Variants in NLGN4X observed in about 807,000 individuals in gnomAD.
NLGN4X encodes neuroligin-4, X-linked.
In NLGN4X, 3 loss-of-function variants were observed where a neutral mutation model predicts 40.3. The observed-to-expected ratio is 0.07, with a 90% CI of 0.03 to 0.19. The LOEUF (loss-of-function observed/expected upper bound fraction) is 0.19, where lower values mean the gene tolerates loss of function less well. Ranked by LOEUF, NLGN4X falls within the 10% of genes least tolerant of loss-of-function variation. The probability of loss-of-function intolerance (pLI) is 1.00; values close to 1 mark genes in which losing one functional copy is unlikely to be tolerated. For missense variants in NLGN4X, 382 were observed against 708.3 expected (o/e 0.54, Z 5.23); for synonymous variants, 270 against 306.8 (o/e 0.88, Z 1.25).
intron 1 of NLGN4X, among the ~76,000 whole-genome samples, chrX:6,173,670 T>G (rs1337614305): frequency 1.8e-5 from 2 of 112,445 alleles, no homozygotes; most frequent in African/African-American, 3.2e-5. Flanking sequence ...TAGCTTTAGA[T>G]CAGGCCCTTT....
At chrX:5,941,841 C>T (rs1413065638) in intron 3 of NLGN4X, among the ~76,000 whole-genome samples, 1 of 112,349 alleles carries the variant, frequency 8.9e-6, no homozygotes, top group African/African-American at 3.2e-5. Context: ...ATTAAAATAA[C>T]AACTGCCATA....
At position 6,016,306 on chromosome X, in the gene NLGN4X, C is replaced by T. The variant is rs182738460; in HGVS notation, c.625+12974G>A. ...GTACTGCCCTGGTTTAAGCTGGTAT[C>T]ATTTCTTGAGTAGATTACCTCTTGC... is the stretch of plus-strand genomic sequence containing the variant. On this transcript the variant is annotated intron_variant, in intron 3 of 5. Coordinates refer to ENST00000381095, the MANE Select transcript of NLGN4X (RefSeq NM_181332.3). Among the ~76,000 whole-genome samples the T allele has an allele frequency of 2.4e-4, 27 of 111,926 alleles. 1 individual carries two copies. The highest frequency in any genetic ancestry group is 4.5e-4 in the Non-Finnish European group (24 of 53,214).
rs1369301721 is a variant in NLGN4X, at chrX:6,179,098, A to AG, written c.-305-27328_-305-27327insC. Among the ~76,000 whole-genome samples the AG allele has an allele frequency of 5.5e-3, 110 of 20,150 alleles. 2 individuals are homozygous for AG. The highest frequency in any genetic ancestry group is 0.038 in the African/African-American group (103 of 2,717). 17.5% of individuals were successfully genotyped at this position (20,150 alleles called of 115,157 possible). A position where few individuals can be genotyped will look rare whatever the true frequency, so the allele number is the denominator to read the frequency against. On this transcript the variant is annotated intron_variant, in intron 1 of 5. Coordinates refer to ENST00000381095, the MANE Select transcript of NLGN4X (RefSeq NM_181332.3). Reference sequence around the variant, plus strand: ...TGAGCGACAAAGCAAGACCCTGAAAAAAAGGAAGGAAGGAAGGAAGGAAGG... The same window carrying AG: ...TGAGCGACAAAGCAAGACCCTGAAAAGAAAGGAAGGAAGGAAGGAAGGAAGG...
intron 3 of NLGN4X, among the ~76,000 whole-genome samples, chrX:5,922,244 G>T (rs918474464): frequency 2.7e-5 from 3 of 110,883 alleles, no homozygotes; most frequent in South Asian, 3.9e-4. Flanking sequence ...TCGTGGGGAG[G>T]GGGGGAAACA....
chrX:6,059,541 C>T (rs16997690), intron 2 of NLGN4X, among the ~76,000 whole-genome samples: 22,773 of 111,153 alleles, frequency 0.2, 1,792 homozygotes, highest in Admixed American at 0.26. Context: ...GGTTTCTCAG[C>T]AAGACGTTGG....
chrX:5,941,965 G>A (rs962434216), intron 3 of NLGN4X, among the ~76,000 whole-genome samples: 1 of 111,929 alleles, frequency 8.9e-6, no homozygotes, highest in Non-Finnish European at 1.9e-5. Context: ...AATTAAAAAG[G>A]ACAAATAGGC....
intron 2 of NLGN4X, among the ~76,000 whole-genome samples, chrX:6,067,041 C>CTGCAGGTTCAACTGCAACTG (rs2037936428): frequency 1.8e-5 from 2 of 110,800 alleles, no homozygotes; most frequent in East Asian, 5.7e-4. Flanking sequence ...CCCAGGAGTT[C>CTGCAGGTTCAACTGCAACTG]AAGGTTGCAG....
chrX:5,999,858 T>C (rs2035929213), intron 3 of NLGN4X, among the ~76,000 whole-genome samples: 1 of 112,078 alleles, frequency 8.9e-6, no homozygotes, highest in African/African-American at 3.2e-5. Context: ...GTAGGAGCAA[T>C]ATTGTTCTAC....
Position 5,994,649 on chromosome X carries a change from A to G in NLGN4X, c.625+34631T>C, listed in dbSNP as rs143199756. On this transcript the variant is annotated intron_variant, in intron 3 of 5. Transcript: ENST00000381095. ...TCTCTGAGATTCTTAGCAGAACCAC[A>G]AGGACCATAACGATATCGCTTATTG... Among the ~76,000 whole-genome samples, 292 of 112,008 alleles carry G rather than the reference A, an allele frequency of 2.6e-3. 1 individual carries two copies. The highest frequency in any genetic ancestry group is 9.0e-3 in the African/African-American group (277 of 30,849).
At chrX:6,102,532 A>T (rs2038933965) in intron 2 of NLGN4X, among the ~76,000 whole-genome samples, 1 of 110,813 alleles carries the variant, frequency 9.0e-6, no homozygotes, top group African/African-American at 3.3e-5. Context: ...AAGCACTTTG[A>T]TCTTGAACTT....
At chrX:6,002,543 T>C (rs1437332565) in intron 3 of NLGN4X, among the ~76,000 whole-genome samples, 2 of 112,342 alleles carry the variant, frequency 1.8e-5, no homozygotes, top group African/African-American at 3.2e-5. Context: ...TTTTAAATAA[T>C]TAAACGTTTT....
chrX:6,062,505 C>T (rs1479071723), intron 2 of NLGN4X, among the ~76,000 whole-genome samples: 1 of 111,445 alleles, frequency 9.0e-6, no homozygotes, highest in Non-Finnish European at 1.9e-5. Flanking sequence ...CTCGATAGCA[C>T]CACCCTACTC....
intron 2 of NLGN4X, among the ~76,000 whole-genome samples, chrX:6,037,353 CGAA>C (rs2037042331): frequency 1.8e-5 from 2 of 109,207 alleles, no homozygotes; most frequent in African/African-American, 6.7e-5. Context: ...AATTGGAAAA[CGAA>C]GACTATTGTC....
intron 3 of NLGN4X, among the ~76,000 whole-genome samples, chrX:5,955,397 C>T (rs1183645401): frequency 1.8e-5 from 2 of 111,783 alleles, no homozygotes; most frequent in African/African-American, 6.5e-5. Context: ...CGTATCTGAC[C>T]ATAAAAAGAA....
chrX:5,950,801 C>G (rs1367274115), intron 3 of NLGN4X, among the ~76,000 whole-genome samples: 2 of 111,771 alleles, frequency 1.8e-5, no homozygotes, highest in Non-Finnish European at 3.8e-5. Context: ...CCTTGAAACT[C>G]CTTACCACAG....
intron 2 of NLGN4X, among the ~76,000 whole-genome samples, chrX:6,052,593 G>C (rs1316007788): frequency 1.8e-5 from 2 of 112,037 alleles, no homozygotes; most frequent in Non-Finnish European, 3.8e-5. Context: ...TGTGGTGTGG[G>C]GGCAGTACGC....
intron 3 of NLGN4X, among the ~76,000 whole-genome samples, chrX:6,024,517 A>T (rs1228486457): frequency 9.0e-6 from 1 of 110,990 alleles, no homozygotes; most frequent in East Asian, 2.9e-4. Flanking sequence ...TAGCCACAGG[A>T]TGAGACAGGA....
At position 5,891,326 on chromosome X, in the gene NLGN4X, T is replaced by C. The variant is rs1012388985; in HGVS notation, c.*1491A>G. On this transcript the variant is annotated 3_prime_UTR_variant, in exon 6 of 6. Transcript: ENST00000381095. ...TTTCTTCCCCCATTCTTCTATAATA[T>C]TCACCGTTTGGTGACCGGATACACA... The C allele has an allele frequency of 4.4e-6, 1 of 226,084 alleles. No individual in the cohort carries two copies. Among genetic ancestry groups the C allele is most frequent in the Non-Finnish European group, 8.0e-6 (1 of 125,401 alleles). 18.6% of individuals were successfully genotyped at this position (226,084 alleles called of 1,213,427 possible). A position where few individuals can be genotyped will look rare whatever the true frequency, so the allele number is the denominator to read the frequency against.
chrX:6,221,654 A>G (rs1461387496), intron 1 of NLGN4X, among the ~76,000 whole-genome samples: 2 of 109,335 alleles, frequency 1.8e-5, no homozygotes, highest in Non-Finnish European at 1.9e-5. Context: ...TACTTTTGTG[A>G]GTTTCCCCAC....
Sources: gnomAD v4.1 joint callset for allele counts (sites outside exome capture counted in the v4.1 genomes callset) on GRCh38, gnomAD v4.1.1 for gene constraint, MANE v1.5 for transcripts, NCBI Gene and HGNC (gene_info 2026-07-23, HGNC 2026-07-21) for gene names.